KIAA1328: variants seen among roughly 807,000 people sequenced by gnomAD.
The protein encoded by KIAA1328 is KIAA1328.
Under a neutral mutation model 68.1 loss-of-function variants are expected in KIAA1328, and 52 were observed. The observed-to-expected ratio is 0.76, with a 90% CI of 0.61 to 0.96. The LOEUF (loss-of-function observed/expected upper bound fraction) is 0.96. Ranked by LOEUF, KIAA1328 falls within the 40% of genes least tolerant of loss-of-function variation. The probability of loss-of-function intolerance (pLI) is 0.00; values close to 1 mark genes in which losing one functional copy is unlikely to be tolerated. For synonymous variants in KIAA1328, 232 were observed against 239.4 expected (o/e 0.97, Z 0.28); for missense variants, 641 against 677.6 (o/e 0.95, Z 0.60).
At chr18:37,215,484 C>G (rs1206056376) in intron 9 of KIAA1328, among the ~76,000 whole-genome samples, 1 of 152,182 alleles carries the variant, frequency 6.6e-6, no homozygotes, top group Non-Finnish European at 1.5e-5. Flanking sequence ...AGCCTTGCAT[C>G]CCAGGGATGA....
intron 5 of KIAA1328, among the ~76,000 whole-genome samples, chr18:36,911,696 G>A (rs114853914): frequency 2.5e-3 from 381 of 152,198 alleles, no homozygotes; most frequent in African/African-American, 8.2e-3. Context: ...TAGATTCAAC[G>A]CAAGTATATA....
chr18:37,224,332 G>T lies in KIAA1328; in HGVS notation c.*2105G>T. ...ACAGAGTCTAAACTAAAGGCTTTTT[G>T]GGGGTCACAGCCACAGAGTGGAGTT... On this transcript the variant is annotated 3_prime_UTR_variant, in exon 10 of 10. Transcript: ENST00000280020. 1.0e-6 allele frequency: 1 copy of T among 985,342 alleles called. No homozygotes were observed. 61.0% of individuals were successfully genotyped at this position (985,342 alleles called of 1,614,324 possible). A position where few individuals can be genotyped will look rare whatever the true frequency, so the allele number is the denominator to read the frequency against.
At chr18:37,153,882 A>G (rs1329256261) in intron 7 of KIAA1328, among the ~76,000 whole-genome samples, 1 of 148,154 alleles carries the variant, frequency 6.7e-6, no homozygotes, top group Non-Finnish European at 1.5e-5. Flanking sequence ...AAAAAGACTC[A>G]TGCCAAAATT....
intron 5 of KIAA1328, among the ~76,000 whole-genome samples, chr18:36,924,276 A>G (rs2050033561): frequency 6.6e-6 from 1 of 152,110 alleles, no homozygotes; most frequent in African/African-American, 2.4e-5. Context: ...GGTAGATTTG[A>G]GGGGTGAAAT....
At chr18:37,012,241 A>G (rs948369636) in intron 6 of KIAA1328, among the ~76,000 whole-genome samples, 3 of 152,140 alleles carry the variant, frequency 2.0e-5, no homozygotes, top group South Asian at 2.1e-4. Flanking sequence ...CACTTTCACA[A>G]CTGTTTCTGA....
At chr18:36,882,084 G>A (rs2048345921) in intron 4 of KIAA1328, among the ~76,000 whole-genome samples, 1 of 152,102 alleles carries the variant, frequency 6.6e-6, no homozygotes, top group African/African-American at 2.4e-5. Flanking sequence ...TCGTTTTTCT[G>A]CAGCTTTGTC....
At position 37,091,870 on chromosome 18, in the gene KIAA1328, G is replaced by A. The variant is rs559234559; in HGVS notation, c.1232+24325G>A. ...TGGCCCCAGGACAAAGGGAGCCAAAGCATGCGCTCCCCATAGCCTGAGAGC... is the reference window on the plus strand; with the variant it reads ...TGGCCCCAGGACAAAGGGAGCCAAAACATGCGCTCCCCATAGCCTGAGAGC... On this transcript the variant is annotated intron_variant, in intron 7 of 9. Transcript: ENST00000280020. 2.0e-5 allele frequency among the ~76,000 whole-genome samples: 3 copies of A among 152,316 alleles called. No homozygotes were observed. The South Asian group carries it at 6.2e-4, about 32-fold the overall frequency.
At chr18:36,869,886 C>T (rs539313974) in intron 4 of KIAA1328, among the ~76,000 whole-genome samples, 72 of 151,368 alleles carry the variant, frequency 4.8e-4, no homozygotes, top group Non-Finnish European at 2.1e-4. Flanking sequence ...TTTTTTGAGA[C>T]GGAGTCTCAC....
At chr18:37,023,694 G>A (rs1411488773) in intron 6 of KIAA1328, among the ~76,000 whole-genome samples, 2 of 152,174 alleles carry the variant, frequency 1.3e-5, no homozygotes, top group African/African-American at 4.8e-5. Flanking sequence ...AGGATTGTAT[G>A]TGGACACTTT....
chr18:37,101,373 C>A (rs908260191), intron 7 of KIAA1328, among the ~76,000 whole-genome samples: 1 of 152,062 alleles, frequency 6.6e-6, no homozygotes, highest in African/African-American at 2.4e-5. Flanking sequence ...GATGAATGCA[C>A]AAGCCTCAGT....
chr18:37,135,522 C>T (rs1009224501), intron 7 of KIAA1328, among the ~76,000 whole-genome samples: 1 of 152,070 alleles, frequency 6.6e-6, no homozygotes, highest in Non-Finnish European at 1.5e-5. Flanking sequence ...CTTTTGCCCA[C>T]TTTTTAATGG....
intron 7 of KIAA1328, among the ~76,000 whole-genome samples, chr18:37,100,910 G>C (rs912711982): frequency 1.3e-5 from 2 of 152,166 alleles, no homozygotes; most frequent in African/African-American, 2.4e-5. Flanking sequence ...AGGCAAACAG[G>C]GTCTGGAGTG....
chr18:37,133,246 C>A (rs558661568), intron 7 of KIAA1328, among the ~76,000 whole-genome samples: 1 of 151,182 alleles, frequency 6.6e-6, no homozygotes, highest in Non-Finnish European at 1.5e-5. Flanking sequence ...GCAGGAGAAT[C>A]GCTTGAACCC....
intron 6 of KIAA1328, among the ~76,000 whole-genome samples, chr18:36,984,996 A>G (rs1412125720): frequency 1.3e-5 from 2 of 151,956 alleles, no homozygotes; most frequent in Non-Finnish European, 2.9e-5. Context: ...TTCTCTCCAA[A>G]GTAATCTAAA....
At chr18:37,074,420 T>C (rs996491226) in intron 7 of KIAA1328, among the ~76,000 whole-genome samples, 1 of 152,238 alleles carries the variant, frequency 6.6e-6, no homozygotes, top group Non-Finnish European at 1.5e-5. Flanking sequence ...CCTGTCACTT[T>C]CAGGTACACC....
intron 4 of KIAA1328, among the ~76,000 whole-genome samples, chr18:36,846,830 A>G (rs888621156): frequency 2.0e-5 from 3 of 151,468 alleles, no homozygotes; most frequent in East Asian, 1.9e-4. Flanking sequence ...GTACAGTTCA[A>G]TGGCATTAAG....
intron 7 of KIAA1328, among the ~76,000 whole-genome samples, chr18:37,103,628 G>A (rs1599279657): frequency 6.6e-6 from 1 of 151,956 alleles, no homozygotes; most frequent in Non-Finnish European, 1.5e-5. Context: ...TAAAATCACA[G>A]ACAACAAAAT....
intron 4 of KIAA1328, among the ~76,000 whole-genome samples, chr18:36,861,667 T>A (rs2047567749): frequency 6.6e-6 from 1 of 152,150 alleles, no homozygotes; most frequent in African/African-American, 2.4e-5. Context: ...CATGGATATT[T>A]ATTTTCTTCT....
At position 37,109,582 on chromosome 18, in the gene KIAA1328, G is replaced by A. The variant is rs1237698710; in HGVS notation, c.1232+42037G>A. ...TTTTCCTAGGGCATGACTTATATGTGTATGAAAGTAGGGGTTAGAAAGCAT... is the reference window on the plus strand; with the variant it reads ...TTTTCCTAGGGCATGACTTATATGTATATGAAAGTAGGGGTTAGAAAGCAT... On this transcript the variant is annotated intron_variant, in intron 7 of 9. Transcript: ENST00000280020. 2.0e-5 allele frequency among the ~76,000 whole-genome samples: 3 copies of A among 152,118 alleles called. No individual in the cohort carries two copies. In the South Asian group the frequency reaches 6.2e-4, roughly 31 times the overall value.
Sources: allele counts gnomAD v4.1 joint callset (sites outside exome capture counted in the v4.1 genomes callset), GRCh38; gene constraint gnomAD v4.1.1; transcripts MANE v1.5; gene names NCBI Gene and HGNC (gene_info 2026-07-23, HGNC 2026-07-21).